The following BEAN1 variants were observed in gnomAD, a reference collection of about 807,000 sequenced individuals.
The protein encoded by BEAN1 is brain expressed associated with NEDD4 1.
In BEAN1, 17 loss-of-function variants were observed where a neutral mutation model predicts 17.7. The observed-to-expected ratio is 0.96, with a 90% confidence interval of 0.66 to 1.44. The LOEUF (loss-of-function observed/expected upper bound fraction) is 1.44. BEAN1 is among the 40% of genes most tolerant of loss of function. The pLI, the probability that BEAN1 is intolerant of heterozygous loss-of-function variation, is 0.00. For missense variants in BEAN1, 359 were observed against 374.1 expected (o/e 0.96, Z 0.33); for synonymous variants, 142 against 151.8 (o/e 0.94, Z 0.47).
intron 4 of BEAN1, among the ~76,000 whole-genome samples, chr16:66,491,951 G>A (rs554311849): frequency 2.0e-4 from 30 of 152,318 alleles, no homozygotes; most frequent in African/African-American, 6.0e-4. Context: ...CTGCCTCTCC[G>A]AGGAAAGATG....
At chr16:66,438,070 AGACTTTCCTG>A (rs1284848788) in intron 2 of BEAN1, 1 of 343,176 alleles carries the variant, frequency 2.9e-6, no homozygotes, top group Non-Finnish European at 5.5e-6. Context: ...TGCTCCTGCA[AGACTTTCCTG>A]AGCTTTTAAT....
chr16:66,445,493 A>T (rs1962416643), intron 2 of BEAN1, among the ~76,000 whole-genome samples: 1 of 43,278 alleles, frequency 2.3e-5, no homozygotes. Flanking sequence ...AAAAAAAAAA[A>T]AAAAAAAAAA....
intron 1 of BEAN1, among the ~76,000 whole-genome samples, chr16:66,431,836 C>T (rs760313064): frequency 2.6e-5 from 4 of 151,708 alleles, no homozygotes; most frequent in Non-Finnish European, 5.9e-5. Flanking sequence ...TGAGACAGAG[C>T]TTCACTCTGT....
intron 3 of BEAN1, among the ~76,000 whole-genome samples, chr16:66,470,664 C>T (rs956787523): frequency 6.6e-5 from 10 of 152,192 alleles, no homozygotes; most frequent in African/African-American, 2.2e-4. Flanking sequence ...TTGTTGGGAT[C>T]ACCCTTAAAC....
At chr16:66,484,222 G>A (rs1964053581), downstream of BEAN1, 3 of 271,354 alleles carry the variant, frequency 1.1e-5, no homozygotes, top group Admixed American at 1.5e-4. This position sits in a 1 kb window ranked among gnomAD's most constrained non-coding sequence, Gnocchi z 4.2. Context: ...ACTAGGCATG[G>A]CTCTGGTGCC....
At chr16:66,456,912 A>C (rs2142408510) in intron 2 of BEAN1, among the ~76,000 whole-genome samples, 1 of 152,350 alleles carries the variant, frequency 6.6e-6, no homozygotes, top group South Asian at 2.1e-4. Context: ...TTCATCTTAC[A>C]TTTATAGAAC....
chr16:66,457,804 C>T (rs928934164), intron 2 of BEAN1, among the ~76,000 whole-genome samples: 3 of 151,558 alleles, frequency 2.0e-5, no homozygotes, highest in Non-Finnish European at 4.4e-5. Flanking sequence ...AAAACAGCAG[C>T]AGAGGAGACT....
intron 2 of BEAN1, among the ~76,000 whole-genome samples, chr16:66,458,299 G>C (rs1013006015): frequency 3.3e-5 from 5 of 152,132 alleles, no homozygotes; most frequent in Non-Finnish European, 5.9e-5. Flanking sequence ...CAAGGACTTG[G>C]GAGTGATGGT....
intron 2 of BEAN1, among the ~76,000 whole-genome samples, chr16:66,457,875 A>G (rs1962933125): frequency 6.6e-6 from 1 of 151,954 alleles, no homozygotes; most frequent in Admixed American, 6.6e-5. Context: ...CCCTTCTTGA[A>G]GTCCCTGCTT....
At position 66,448,448 on chromosome 16, in the gene BEAN1, C is replaced by T. The variant is rs1962539303; in HGVS notation, c.25+10747C>T. 1.3e-5 allele frequency among the ~76,000 whole-genome samples: 2 copies of T among 152,248 alleles called. 1 individual carries two copies. The highest frequency in any genetic ancestry group is 4.1e-4 in the South Asian group (2 of 4,826). ...TGAAAGCTGGTTTGCCAGCATACCACTAAATATAGCATACATACAGAAAGG... is the reference window on the plus strand; with the variant it reads ...TGAAAGCTGGTTTGCCAGCATACCATTAAATATAGCATACATACAGAAAGG... On this transcript the variant is annotated intron_variant, in intron 2 of 4. Transcript: ENST00000536005.
chr16:66,483,060 CT>C, downstream of BEAN1: 1 of 363,814 alleles, frequency 2.7e-6, no homozygotes, highest in Non-Finnish European at 5.3e-6. Context: ...CAGGGTCTCA[CT>C]ATGTTGCCCA....
At chr16:66,460,032 C>A (rs1049199081) in intron 2 of BEAN1, among the ~76,000 whole-genome samples, 1 of 152,230 alleles carries the variant, frequency 6.6e-6, no homozygotes, top group Non-Finnish European at 1.5e-5. Context: ...ACCAAGCAAC[C>A]AGTCACAGAC....
chr16:66,450,675 G>A (rs1164069111), intron 2 of BEAN1, among the ~76,000 whole-genome samples: 2 of 152,048 alleles, frequency 1.3e-5, no homozygotes, highest in Admixed American at 1.3e-4. Flanking sequence ...CTATGATTGT[G>A]CCACTGTACT....
At chr16:66,489,029 G>C (rs1964128528) in intron 4 of BEAN1, among the ~76,000 whole-genome samples, 1 of 152,102 alleles carries the variant, frequency 6.6e-6, no homozygotes, top group African/African-American at 2.4e-5. Flanking sequence ...AAAATTAGCT[G>C]GGCGTGGTGG....
chr16:66,494,852 A>G (rs1265818128), downstream of BEAN1, among the ~76,000 whole-genome samples: 1 of 152,210 alleles, frequency 6.6e-6, no homozygotes, highest in Non-Finnish European at 1.5e-5. Context: ...GGTATGGCAC[A>G]TGCACATACA....
downstream of BEAN1, chr16:66,484,359 C>T: frequency 2.9e-6 from 1 of 347,248 alleles, no homozygotes; most frequent in Non-Finnish European, 5.7e-6. The surrounding 1 kb of genome is among the most constrained non-coding windows in gnomAD (Gnocchi z 4.2). Context: ...ACCACAAAGA[C>T]TTAGGATCCC....
At chr16:66,466,052 G>A (rs182197846) in intron 2 of BEAN1, among the ~76,000 whole-genome samples, 117 of 152,304 alleles carry the variant, frequency 7.7e-4, no homozygotes, top group African/African-American at 2.6e-3. Context: ...GGCCTCAAGT[G>A]ATCCACCCAC....
At chr16:66,458,767 G>A (rs764505771) in intron 2 of BEAN1, among the ~76,000 whole-genome samples, 3 of 152,220 alleles carry the variant, frequency 2.0e-5, no homozygotes, top group African/African-American at 4.8e-5. Context: ...TATCCACACA[G>A]AGAGGAAGCA....
Position 66,473,592 on chromosome 16 carries a change from G to C in BEAN1, c.289+3727G>C, listed in dbSNP as rs937340263. 3.9e-5 allele frequency among the ~76,000 whole-genome samples: 6 copies of C among 152,074 alleles called. No homozygotes were observed. The highest frequency in any genetic ancestry group is 7.4e-5 in the Non-Finnish European group (5 of 68,010). On this transcript the variant is annotated intron_variant, in intron 3 of 4. Coordinates refer to ENST00000536005, the MANE Select transcript of BEAN1 (RefSeq NM_001178020.3). The surrounding 1 kb of genome is among the most constrained non-coding windows in gnomAD (Gnocchi z 4.5). ...CACACCTATAATCCCAGCACTTTGG[G>C]AGGCCAAGGTGGGAGGATAGCTTGA...
Sources: allele counts gnomAD v4.1 joint callset (sites outside exome capture counted in the v4.1 genomes callset), GRCh38; gene constraint gnomAD v4.1.1; non-coding constraint Gnocchi (gnomAD v3.1); transcripts MANE v1.5; gene names NCBI Gene and HGNC (gene_info 2026-07-23, HGNC 2026-07-21).